PHACTR3: variants seen among roughly 807,000 people sequenced by gnomAD.
PHACTR3 encodes the protein phosphatase and actin regulator 3.
PHACTR3 carries 16 observed loss-of-function variants against 66.8 expected under a neutral mutation model. That is an observed-to-expected ratio of 0.24 (90% CI 0.16 to 0.36). PHACTR3 has a LOEUF of 0.36. Ranked by LOEUF, PHACTR3 falls within the 10% of genes least tolerant of loss-of-function variation. PHACTR3 has a pLI of 1.00. For synonymous variants in PHACTR3, 323 were observed against 292.1 expected (o/e 1.11, Z -1.08); for missense variants, 647 against 719.9 (o/e 0.90, Z 1.16).
At chr20:59,750,051 T>C (rs944022061) in intron 3 of PHACTR3, among the ~76,000 whole-genome samples, 4 of 152,180 alleles carry the variant, frequency 2.6e-5, no homozygotes, top group African/African-American at 4.8e-5. Context: ...CCACTCTGTG[T>C]CAGGGTCTGT....
chr20:59,773,759 TAG>T (rs2040434839), intron 6 of PHACTR3, among the ~76,000 whole-genome samples: 2 of 152,238 alleles, frequency 1.3e-5, no homozygotes, highest in South Asian at 4.1e-4. Context: ...GAGACTGACT[TAG>T]AGAAAAGTGG....
intron 1 of PHACTR3, among the ~76,000 whole-genome samples, chr20:59,724,086 G>A (rs1351310354): frequency 6.6e-6 from 1 of 152,166 alleles, no homozygotes; most frequent in Admixed American, 6.5e-5. Context: ...CCCGGCCATA[G>A]TGCCAACACA....
chr20:59,632,062 G>A (rs2034685226), intron 1 of PHACTR3, among the ~76,000 whole-genome samples: 1 of 152,224 alleles, frequency 6.6e-6, no homozygotes, highest in Non-Finnish European at 1.5e-5. Context: ...CGGGACGTGT[G>A]GGGACTGTAT....
intron 1 of PHACTR3, among the ~76,000 whole-genome samples, chr20:59,639,093 ATGGATGGG>A (rs779716273): frequency 6.8e-5 from 10 of 147,282 alleles, no homozygotes; most frequent in African/African-American, 1.0e-4. Context: ...GGATGGATGG[ATGGATGGG>A]TAGACGGATG....
chr20:59,762,875 G>C (rs567221488), intron 4 of PHACTR3, among the ~76,000 whole-genome samples: 2 of 152,180 alleles, frequency 1.3e-5, no homozygotes, highest in Non-Finnish European at 2.9e-5. Flanking sequence ...AGTAGAGTTC[G>C]TGAGACTTGC....
intron 1 of PHACTR3, among the ~76,000 whole-genome samples, chr20:59,609,039 C>G (rs771785636): frequency 1.3e-5 from 2 of 152,210 alleles, no homozygotes; most frequent in Non-Finnish European, 2.9e-5. Flanking sequence ...GTGTCTCAAC[C>G]TATGTGGCGG....
intron 1 of PHACTR3, among the ~76,000 whole-genome samples, chr20:59,666,053 G>T: frequency 6.6e-6 from 1 of 152,130 alleles, no homozygotes; most frequent in East Asian, 1.9e-4. Context: ...TGGTGGAGGG[G>T]GCTGTGAAGG....
chr20:59,593,694 T>C (rs2033250011), intron 1 of PHACTR3, among the ~76,000 whole-genome samples: 1 of 152,240 alleles, frequency 6.6e-6, no homozygotes, highest in Admixed American at 6.5e-5. Context: ...AAGGCTTATG[T>C]CTAGATTCAG....
intron 1 of PHACTR3, among the ~76,000 whole-genome samples, chr20:59,693,964 G>A (rs2037201191): frequency 6.6e-6 from 1 of 152,182 alleles, no homozygotes; most frequent in African/African-American, 2.4e-5. Context: ...TCAAAGGAAG[G>A]GGGCACACAT....
intron 5 of PHACTR3, among the ~76,000 whole-genome samples, chr20:59,771,797 G>A (rs1013941559): frequency 3.3e-5 from 5 of 152,238 alleles, no homozygotes; most frequent in Non-Finnish European, 5.9e-5. Flanking sequence ...AGTCCTCCAC[G>A]AGGTTTACAG....
intron 1 of PHACTR3, among the ~76,000 whole-genome samples, chr20:59,666,177 A>G (rs1027649631): frequency 6.6e-6 from 1 of 152,154 alleles, no homozygotes; most frequent in African/African-American, 2.4e-5. Context: ...AGAGATGGAC[A>G]TCAATATGCT....
At chr20:59,604,486 G>A (rs139938716), upstream of PHACTR3, 5,810 of 415,082 alleles carry the variant, frequency 0.014, 74 homozygotes, top group Middle Eastern at 0.04. Flanking sequence ...CCTCTCGCGC[G>A]GCATGATGGG....
chr20:59,752,594 A>AGAAAACCTGCAAGAAGTCCTT (rs1555832502), intron 3 of PHACTR3, among the ~76,000 whole-genome samples: 10 of 21,302 alleles, frequency 4.7e-4, no homozygotes, highest in Non-Finnish European at 6.9e-4. Flanking sequence ...CCTGCAAGAA[A>AGAAAACCTGCAAGAAGTCCTT]GCAGGGGAAG....
At chr20:59,722,882 G>C (rs1174373113) in intron 1 of PHACTR3, among the ~76,000 whole-genome samples, 1 of 152,070 alleles carries the variant, frequency 6.6e-6, no homozygotes, top group African/African-American at 2.4e-5. Flanking sequence ...AGCTTGTGTG[G>C]CTGCTGGGTC....
intron 7 of PHACTR3, among the ~76,000 whole-genome samples, chr20:59,794,910 C>T (rs4812134): frequency 0.97 from 148,414 of 152,238 alleles, 72,375 homozygotes; most frequent in East Asian, 1. Context: ...TCTGATTTTC[C>T]TTCATTTCTT....
chr20:59,785,587 G>A (rs1381119769), intron 7 of PHACTR3, among the ~76,000 whole-genome samples: 4 of 152,160 alleles, frequency 2.6e-5, no homozygotes, highest in Non-Finnish European at 2.9e-5. Flanking sequence ...GGGAGGAAGC[G>A]GGAGATGATT....
intron 1 of PHACTR3, among the ~76,000 whole-genome samples, chr20:59,690,627 G>C (rs947447106): frequency 3.3e-5 from 5 of 152,018 alleles, no homozygotes; most frequent in African/African-American, 1.2e-4. Flanking sequence ...AGAACAAGCA[G>C]GAAATATCTT....
chr20:59,586,884 G>A (rs1032840035), intron 1 of PHACTR3, among the ~76,000 whole-genome samples: 4 of 152,234 alleles, frequency 2.6e-5, no homozygotes, highest in Non-Finnish European at 5.9e-5. Context: ...CACAGCTGCT[G>A]AGCCGAATTT....
intron 8 of PHACTR3, among the ~76,000 whole-genome samples, chr20:59,816,407 C>T (rs2041888938): frequency 6.6e-6 from 1 of 152,202 alleles, no homozygotes; most frequent in Admixed American, 6.5e-5. Flanking sequence ...GGGTCCATGA[C>T]AGTATTTCCT....
Sources: allele counts gnomAD v4.1 joint callset (sites outside exome capture counted in the v4.1 genomes callset), GRCh38; gene constraint gnomAD v4.1.1; transcripts MANE v1.5; gene names NCBI Gene and HGNC (gene_info 2026-07-23, HGNC 2026-07-21).